MAP3K5: variants seen among roughly 807,000 people sequenced by gnomAD.
The protein encoded by MAP3K5 is ASK-1.
MAP3K5 carries 56 observed loss-of-function variants against 158.7 expected under a neutral mutation model. The observed-to-expected ratio is 0.35, with a 90% CI of 0.28 to 0.44. The LOEUF (loss-of-function observed/expected upper bound fraction) is 0.44, where lower values mean the gene tolerates loss of function less well. MAP3K5 is among the 20% of genes least tolerant of loss of function. MAP3K5 has a pLI of 1.00. For synonymous variants in MAP3K5, 579 were observed against 601.7 expected (o/e 0.96, Z 0.55); for missense variants, 1,294 against 1,674.8 (o/e 0.77, Z 3.97).
At chr6:136,657,394 A>G (rs1216807843) in intron 9 of MAP3K5, among the ~76,000 whole-genome samples, 54 of 152,226 alleles carry the variant, frequency 3.5e-4, no homozygotes, top group Admixed American at 3.5e-3. Context: ...GTACCATTGC[A>G]TAGAATAGTG....
rs570234265 is a variant in MAP3K5, at chr6:136,722,145, T to C, written c.449-1556A>G. Among the ~76,000 whole-genome samples, 3 of 152,286 alleles carry C rather than the reference T, an allele frequency of 2.0e-5. No homozygotes were observed. The East Asian group carries it at 5.8e-4, about 29-fold the overall frequency. On this transcript the variant is annotated intron_variant, in intron 1 of 29. Coordinates refer to ENST00000359015, the MANE Select transcript of MAP3K5 (RefSeq NM_005923.4). ...GCAGATGTTGTGGATGTCAACCAAA[T>C]ACCCCAACAGACTTAGCTGAATAGC...
At position 136,557,666 on chromosome 6, in the gene MAP3K5, CT is replaced by C; in HGVS notation, c.*91del. The C allele has an allele frequency of 1.2e-6, 1 of 854,766 alleles. No homozygotes were observed. Among genetic ancestry groups the C allele is most frequent in the South Asian group, 1.4e-5 (1 of 70,596 alleles). The allele number at this position is 854,766 out of a possible 1,614,324, so 52.9% of individuals were successfully genotyped here. ...AAATACTGGATTTAAAGTGCAGCGCCTTTCTCCTCTCCCTTCGATTTTCCCA... is the reference window on the plus strand; with the variant it reads ...AAATACTGGATTTAAAGTGCAGCGCCTTCTCCTCTCCCTTCGATTTTCCCA... On this transcript the variant is annotated 3_prime_UTR_variant, in exon 30 of 30. Transcript: ENST00000359015.
intron 25 of MAP3K5, chr6:136,579,974 G>T (rs907766037): frequency 1.4e-5 from 6 of 423,356 alleles, no homozygotes; most frequent in African/African-American, 1.0e-4. Context: ...GGAACCACTG[G>T]GTAAAAGATG....
intron 1 of MAP3K5, among the ~76,000 whole-genome samples, chr6:136,784,162 C>T (rs897239007): frequency 1.4e-4 from 22 of 152,260 alleles, no homozygotes; most frequent in Non-Finnish European, 2.2e-4. Flanking sequence ...CTCGAACTAC[C>T]AACTGATAAT....
At chr6:136,698,872 A>G (rs1325609334) in intron 3 of MAP3K5, among the ~76,000 whole-genome samples, 190 bp from the exon 4 acceptor site, 1 of 152,206 alleles carries the variant, frequency 6.6e-6, no homozygotes, top group African/African-American at 2.4e-5. Context: ...AATAATTAGG[A>G]CTTACAGATG....
intron 2 of MAP3K5, among the ~76,000 whole-genome samples, chr6:136,715,081 A>G (rs980925685): frequency 1.3e-5 from 2 of 152,222 alleles, no homozygotes; most frequent in African/African-American, 4.8e-5. Context: ...ACAAGAAATA[A>G]TCTAACATAA....
At chr6:136,775,057 T>C (rs778723609) in intron 1 of MAP3K5, among the ~76,000 whole-genome samples, 1 of 152,188 alleles carries the variant, frequency 6.6e-6, no homozygotes, top group African/African-American at 2.4e-5. Flanking sequence ...TCAAAATTTA[T>C]TTAACAGCCT....
At chr6:136,770,793 C>G (rs527984986) in intron 1 of MAP3K5, among the ~76,000 whole-genome samples, 22 of 151,916 alleles carry the variant, frequency 1.4e-4, no homozygotes, top group Middle Eastern at 3.4e-3. Flanking sequence ...GAATACTTCT[C>G]GGATATATGT....
At chr6:136,631,285 T>A (rs1002640162) in intron 14 of MAP3K5, among the ~76,000 whole-genome samples, 1 of 152,174 alleles carries the variant, frequency 6.6e-6, no homozygotes, top group African/African-American at 2.4e-5. Flanking sequence ...CTATAAGTGA[T>A]GTATTTTCTC....
rs1776255221 is a variant in MAP3K5, at chr6:136,609,862, G to T, written c.2521+1420C>A. 6.6e-6 allele frequency among the ~76,000 whole-genome samples: 1 copy of T among 150,590 alleles called. No individual in the cohort carries two copies. The highest frequency in any genetic ancestry group is 2.4e-5 in the African/African-American group (1 of 40,868). On this transcript the variant is annotated intron_variant, in intron 18 of 29. Transcript: ENST00000359015. This position sits in a 1 kb window ranked among gnomAD's most constrained non-coding sequence, Gnocchi z 4.4. ...ACATCCTAGATACTTAGGAGAGTGG[G>T]GTGGGTGGACTGCTTAAACCCAGGA...
chr6:136,623,122 G>A (rs144518125), intron 14 of MAP3K5, 141 bp from the exon 15 acceptor site: 693 of 713,374 alleles, frequency 9.7e-4, no homozygotes, highest in Non-Finnish European at 1.5e-3. Context: ...CAGCTTCAAG[G>A]ATGAACAAAT....
At chr6:136,754,591 A>AAAAGAAAG (rs56197087) in intron 1 of MAP3K5, among the ~76,000 whole-genome samples, 2 of 149,972 alleles carry the variant, frequency 1.3e-5, no homozygotes, top group Non-Finnish European at 3.0e-5. Flanking sequence ...TCAAAAAAAA[A>AAAAGAAAG]AAAGAAAGAA....
chr6:136,774,723 G>A lies in MAP3K5; in HGVS notation c.448+16987C>T, dbSNP rs574475640. On this transcript the variant is annotated intron_variant, in intron 1 of 29. Transcript: ENST00000359015. ...CAAAACCAATAACTAAAACACCACT[G>A]GGGGGAAAGTGTGATATTCATTCAA... is the stretch of plus-strand genomic sequence containing the variant. 2.6e-5 allele frequency among the ~76,000 whole-genome samples: 4 copies of A among 152,232 alleles called. No homozygotes were observed. The East Asian group carries it at 7.7e-4, about 29-fold the overall frequency.
At chr6:136,665,074 T>C (rs1583376413) in intron 8 of MAP3K5, among the ~76,000 whole-genome samples, 2 of 152,248 alleles carry the variant, frequency 1.3e-5, no homozygotes, top group African/African-American at 4.8e-5. Flanking sequence ...CTTCCCATTC[T>C]ACAGGTACAT....
Position 136,557,748 on chromosome 6 carries a change from T to C in MAP3K5, c.*10A>G, listed in dbSNP as rs1214656920. 6.3e-7 allele frequency: 1 copy of C among 1,599,214 alleles called. No homozygotes were observed. Among genetic ancestry groups the C allele is most frequent in the African/African-American group, 1.3e-5 (1 of 74,632 alleles). ...TTAGAATTTCCATCGAAGATTAGAT[T>C]GAGCAACAGTCAAGTCTGTTTGTTT... On this transcript the variant is annotated 3_prime_UTR_variant, in exon 30 of 30. Coordinates refer to ENST00000359015, the MANE Select transcript of MAP3K5 (RefSeq NM_005923.4).
At chr6:136,660,267 A>G (rs1284745907) in intron 8 of MAP3K5, among the ~76,000 whole-genome samples, 1 of 152,222 alleles carries the variant, frequency 6.6e-6, no homozygotes, top group African/African-American at 2.4e-5. Flanking sequence ...AAATAAGGAA[A>G]TATGCCTGAC....
At chr6:136,643,160 A>T (rs1778072553) in intron 11 of MAP3K5, among the ~76,000 whole-genome samples, 1 of 152,208 alleles carries the variant, frequency 6.6e-6, no homozygotes, top group African/African-American at 2.4e-5. Flanking sequence ...GAACATCAAA[A>T]ATTTGATTGT....
rs1290312525 is a variant in MAP3K5 at position 136,791,794 on chromosome 6, T to C, written c.364A>G (p.Thr122Ala). ...ALQSLREACE[T>A]VGATLETLHF... ...AGGGTTTCCAGGGTGGCGCCCACTG[T>C]CTCGCACGCCTCCCGCAAGCTCTGC... The change falls in exon 1 of 30, where the codon ACA (threonine) becomes GCA (alanine). Residue 122 changes from threonine to alanine, a missense_variant. Physicochemically the swap from Thr to Ala is moderately conservative, Grantham distance 58. Around this residue, in one of 5 missense-constraint regions of MAP3K5, gnomAD observed 690 missense variants for 870.5 expected, o/e 0.79. Coordinates refer to ENST00000359015, the MANE Select transcript of MAP3K5 (RefSeq NM_005923.4). 1 of 1,613,676 alleles carries C rather than the reference T, an allele frequency of 6.2e-7. No individual in the cohort carries two copies. Among genetic ancestry groups the C allele is most frequent in the Non-Finnish European group, 8.5e-7 (1 of 1,180,022 alleles).
intron 1 of MAP3K5, among the ~76,000 whole-genome samples, chr6:136,789,101 G>A (rs1182172880): frequency 6.6e-6 from 1 of 152,116 alleles, no homozygotes; most frequent in Admixed American, 6.5e-5. Context: ...TTTGAGACCT[G>A]TCTGGGCAAC....
Sources: gnomAD v4.1 joint callset for allele counts (sites outside exome capture counted in the v4.1 genomes callset) on GRCh38, gnomAD v4.1.1 for gene constraint, gnomAD v4.1.1 regional missense constraint, Gnocchi (gnomAD v3.1) non-coding constraint, MANE v1.5 for transcripts, NCBI Gene and HGNC (gene_info 2026-07-23, HGNC 2026-07-21) for gene names.